The following AMD1 variants were observed in gnomAD, a reference collection of about 807,000 sequenced individuals.
AMD1 encodes adenosylmethionine decarboxylase 1, also known as S-adenosylmethionine decarboxylase proenzyme.
Under a neutral mutation model 40.2 loss-of-function variants are expected in AMD1, and 11 were observed. The ratio of observed to expected loss-of-function variants is 0.27; its 90% CI spans 0.17 to 0.45. The LOEUF (loss-of-function observed/expected upper bound fraction) is 0.45, where lower values mean the gene tolerates loss of function less well. AMD1 is among the 20% of genes least tolerant of loss of function. AMD1 has a pLI of 1.00. For missense variants in AMD1, 257 were observed against 410.2 expected, an observed-to-expected ratio of 0.63 and a Z score of 3.23; for synonymous variants, 121 against 130.8, an observed-to-expected ratio of 0.93 and a Z score of 0.51.
At chr6:110,880,716 G>A (rs947804711) in intron 1 of AMD1, among the ~76,000 whole-genome samples, 1 of 152,074 alleles carries the variant, frequency 6.6e-6, no homozygotes, top group African/African-American at 2.4e-5. Flanking sequence ...CTGTCTCCCA[G>A]GCTGAAGTGC....
intron 1 of AMD1, among the ~76,000 whole-genome samples, chr6:110,879,864 G>A (rs1408000371): frequency 6.6e-6 from 1 of 152,144 alleles, no homozygotes; most frequent in Non-Finnish European, 1.5e-5. Context: ...CTCAGAAAGT[G>A]TCTGACCTAA....
intron 2 of AMD1, 137 bp from the exon 3 acceptor site, chr6:110,888,720 T>G (rs1785844106): frequency 3.8e-6 from 3 of 799,372 alleles, no homozygotes; most frequent in Non-Finnish European, 5.8e-6. Flanking sequence ...AGGAAAAGAA[T>G]AATGTGTTAC....
At chr6:110,863,287 A>T in the AMD1 span, among the ~76,000 whole-genome samples, 1 of 150,320 alleles carries the variant, frequency 6.7e-6, no homozygotes, top group Non-Finnish European at 1.5e-5. Context: ...TCGATTGTAG[A>T]TACATGTCTT....
the AMD1 span, among the ~76,000 whole-genome samples, chr6:110,817,722 A>G: frequency 1.3e-5 from 2 of 152,254 alleles, no homozygotes; most frequent in African/African-American, 4.8e-5. Flanking sequence ...TTGGGGAATT[A>G]AACCTGAAAA....
intron 8 of AMD1, 138 bp downstream of exon 8, chr6:110,893,203 G>A: frequency 1.1e-6 from 1 of 941,970 alleles, no homozygotes; most frequent in Non-Finnish European, 1.5e-6. Context: ...ATTGTTTGAG[G>A]TTACTGGTAG....
At chr6:110,868,020 T>C in the AMD1 span, among the ~76,000 whole-genome samples, 50 of 152,326 alleles carry the variant, frequency 3.3e-4, no homozygotes, top group Non-Finnish European at 6.9e-4. Flanking sequence ...GAGATGGGTC[T>C]GGCTACGTTG....
At chr6:110,874,610 G>C (rs1013121995), upstream of AMD1, among the ~76,000 whole-genome samples, 3 of 152,188 alleles carry the variant, frequency 2.0e-5, no homozygotes, top group African/African-American at 2.4e-5. Flanking sequence ...GAGCCGCAGC[G>C]CAGTGGGCAG....
chr6:110,815,971 G>A, the AMD1 span: 1 of 152,256 alleles, frequency 6.6e-6, no homozygotes. Context: ...TTGGTGCGTG[G>A]GTATCCCCAG....
intron 1 of AMD1, among the ~76,000 whole-genome samples, chr6:110,885,333 A>C (rs1362240943): frequency 6.6e-6 from 1 of 152,098 alleles, no homozygotes. Context: ...GGCTGGTCTC[A>C]AACTCCTGAC....
the AMD1 span, among the ~76,000 whole-genome samples, chr6:110,865,658 G>A: frequency 2.0e-5 from 3 of 152,072 alleles, no homozygotes; most frequent in African/African-American, 7.2e-5. Context: ...GCCTCCCAAA[G>A]TGCTGGGATC....
the AMD1 span, chr6:110,858,840 T>C: frequency 1.3e-6 from 1 of 780,564 alleles, no homozygotes; most frequent in Non-Finnish European, 2.4e-6. Context: ...CTGCCCCCCA[T>C]GGACAACTTA....
the AMD1 span, among the ~76,000 whole-genome samples, chr6:110,817,847 A>AT: frequency 4.0e-5 from 6 of 151,614 alleles, no homozygotes; most frequent in Non-Finnish European, 7.4e-5. Flanking sequence ...TTTGAGCCAA[A>AT]TTTTTTTTTC....
At chr6:110,892,003 T>C (rs1012443506) in intron 4 of AMD1, 158 bp from the exon 5 acceptor site, 66 of 840,676 alleles carry the variant, frequency 7.9e-5, no homozygotes, top group Non-Finnish European at 1.1e-4. Context: ...CCAAAAGGGG[T>C]GGGATTATAG....
intron 1 of AMD1, among the ~76,000 whole-genome samples, chr6:110,885,764 A>G (rs887374596): frequency 6.6e-6 from 1 of 152,236 alleles, no homozygotes; most frequent in Non-Finnish European, 1.5e-5. Context: ...CTCTGTAATC[A>G]TTAGCAAGCC....
chr6:110,829,075 C>T, the AMD1 span, among the ~76,000 whole-genome samples: 1 of 152,010 alleles, frequency 6.6e-6, no homozygotes, highest in Admixed American at 6.5e-5. Context: ...GAGGCTGAGG[C>T]AGGAGAATCA....
In AMD1 at chr6:110,885,866, T is replaced by C. The variant is rs780696414; in HGVS notation, c.111-1639T>C. 2.3e-4 allele frequency among the ~76,000 whole-genome samples: 35 copies of C among 152,350 alleles called. 1 individual carries two copies. Among genetic ancestry groups the C allele is most frequent in the South Asian group, 4.1e-4 (2 of 4,826 alleles). Reference sequence around the variant, plus strand: ...AAATGGTGAGACAGGCACAAAATTCTACCAGGCATGTTTGGTGTTGTGTTT... The same window carrying C: ...AAATGGTGAGACAGGCACAAAATTCCACCAGGCATGTTTGGTGTTGTGTTT... On this transcript the variant is annotated intron_variant, in intron 1 of 8. Coordinates refer to ENST00000368885, the MANE Select transcript of AMD1 (RefSeq NM_001634.6).
At chr6:110,891,571 T>C (rs986925508) in intron 4 of AMD1, 2 of 154,656 alleles carry the variant, frequency 1.3e-5, no homozygotes, top group Non-Finnish European at 2.9e-5. Context: ...TAAGATAATT[T>C]AGTAACTTTG....
chr6:110,858,000 A>G, the AMD1 span, among the ~76,000 whole-genome samples: 1 of 151,512 alleles, frequency 6.6e-6, no homozygotes, highest in Non-Finnish European at 1.5e-5. Flanking sequence ...AGGCCCCAAT[A>G]ACTTATTATT....
At chr6:110,889,970 AGTT>A (rs1238285283) in intron 3 of AMD1, 1 of 268,240 alleles carries the variant, frequency 3.7e-6, no homozygotes, top group African/African-American at 2.3e-5. Context: ...TGGTGTTAAT[AGTT>A]GTTATGACCC....
Sources: allele counts gnomAD v4.1 joint callset (sites outside exome capture counted in the v4.1 genomes callset), GRCh38; gene constraint gnomAD v4.1.1; transcripts MANE v1.5; gene names NCBI Gene and HGNC (gene_info 2026-07-23, HGNC 2026-07-21).